The following POMT2 variants were observed in gnomAD, a reference collection of about 807,000 sequenced individuals.
The protein encoded by POMT2 is protein O-mannosyl-transferase 2.
In POMT2, 75 loss-of-function variants were observed where a neutral mutation model predicts 100.0. The observed-to-expected ratio is 0.75, with a 90% CI of 0.62 to 0.91. The LOEUF (loss-of-function observed/expected upper bound fraction) is 0.91. Among genes scored for constraint, POMT2 ranks in the 40% least tolerant of loss-of-function variants. The pLI is 0.00. For synonymous variants in POMT2, 378 were observed against 374.1 expected (o/e 1.01, Z -0.12); for missense variants, 940 against 955.1 (o/e 0.98, Z 0.21).
rs1354412944 is a variant in POMT2 at position 77,285,043 on chromosome 14, TG to T, written c.1485-3del. The T allele has an allele frequency of 6.2e-7, 1 of 1,606,500 alleles. No individual in the cohort carries two copies. The highest frequency in any genetic ancestry group is 1.1e-5 in the South Asian group (1 of 90,878). On this transcript the variant is annotated splice_polypyrimidine_tract_variant and splice_region_variant and intron_variant, in intron 13 of 20. Transcript: ENST00000261534. ...GTAACTTCCAACTGCTCCCAGCCCC[TG>T]TGAAAAGCAGAAGTCACAGATGTCT...
intron 5 of POMT2, among the ~76,000 whole-genome samples, chr14:77,302,370 G>A (rs1469203347): frequency 6.6e-6 from 1 of 152,144 alleles, no homozygotes; most frequent in Non-Finnish European, 1.5e-5. Flanking sequence ...AGGACTGGAT[G>A]CAACCACTGA....
At chr14:77,299,405 G>T in intron 7 of POMT2, 50 bp downstream of exon 7, 1 of 1,532,454 alleles carries the variant, frequency 6.5e-7, no homozygotes, top group Non-Finnish European at 9.0e-7. Context: ...CACAGGCTTA[G>T]GAGCAAAAGG....
chr14:77,283,260 A>G (rs1890294112), intron 15 of POMT2, among the ~76,000 whole-genome samples: 2 of 152,254 alleles, frequency 1.3e-5, no homozygotes, highest in African/African-American at 4.8e-5. Flanking sequence ...TCCTGATTTC[A>G]TATGATGGAA....
chr14:77,302,909 G>A lies in POMT2; in HGVS notation c.582C>T (p.Leu194=). 1 of 1,613,906 alleles carries A rather than the reference G, an allele frequency of 6.2e-7. No individual in the cohort carries two copies. The highest frequency in any genetic ancestry group is 8.5e-7 in the Non-Finnish European group (1 of 1,179,806). ...TGCLTLSQYI[L]LDPILMFFIM... ...TGAAGAACATCAGGATGGGGTCAAG[G>A]AGGATGTACTGGGACAGAGTGAGGC... is the stretch of plus-strand genomic sequence containing the variant. Residue 194 remains leucine (L), a synonymous_variant, in exon 5 of 21, where the codon CTC becomes CTT. Transcript: ENST00000261534.
At chr14:77,282,849 T>A (rs1890281436) in intron 15 of POMT2, among the ~76,000 whole-genome samples, 1 of 152,198 alleles carries the variant, frequency 6.6e-6, no homozygotes, top group Non-Finnish European at 1.5e-5. Flanking sequence ...AAATAACAAG[T>A]GCTACACCTC....
In POMT2 at chr14:77,277,002, T is replaced by A. The variant is rs548546887; in HGVS notation, c.*374A>T. The A allele has an allele frequency of 2.9e-5, 7 of 242,664 alleles. No homozygotes were observed. In the East Asian group the frequency reaches 6.0e-4, roughly 21 times the overall value. The allele number at this position is 242,664 out of a possible 1,614,324, so 15.0% of individuals were successfully genotyped here. On this transcript the variant is annotated 3_prime_UTR_variant, in exon 21 of 21. Transcript: ENST00000261534. ...AAAATATTACTATAGCCTGGACTAT[T>A]TTAGAGTTTATGACACTCAGCTGTC...
chr14:77,281,435 T>C (rs967660439), intron 15 of POMT2, among the ~76,000 whole-genome samples: 1 of 152,210 alleles, frequency 6.6e-6, no homozygotes, highest in African/African-American at 2.4e-5. Flanking sequence ...CCCTAATGCA[T>C]GCTTTGGTTT....
intron 9 of POMT2, among the ~76,000 whole-genome samples, chr14:77,294,531 C>T (rs948716625): frequency 2.6e-5 from 4 of 152,182 alleles, no homozygotes; most frequent in Non-Finnish European, 4.4e-5. Flanking sequence ...ACCATGTTGG[C>T]CAGGCTGGTC....
At chr14:77,293,254 T>C (rs4899649) in intron 9 of POMT2, among the ~76,000 whole-genome samples, 126,169 of 152,152 alleles carry the variant, frequency 0.83, 52,501 homozygotes, top group East Asian at 0.95. Flanking sequence ...GTGTGTACTC[T>C]GTGTAGATGT....
In POMT2 at chr14:77,286,953, A is replaced by G. The variant is rs928268213; in HGVS notation, c.1254-131T>C. 11 of 1,521,204 alleles carry G rather than the reference A, an allele frequency of 7.2e-6. No homozygotes were observed. In the South Asian group the frequency reaches 8.4e-5, roughly 12 times the overall value. 94.2% of individuals were successfully genotyped at this position (1,521,204 alleles called of 1,614,324 possible). A position where few individuals can be genotyped will look rare whatever the true frequency, so the allele number is the denominator to read the frequency against. On this transcript the variant is annotated intron_variant, in intron 11 of 20. Coordinates refer to ENST00000261534, the MANE Select transcript of POMT2 (RefSeq NM_013382.7). ...TAGAATCTGAACTATTAAATCCAAC[A>G]TATCAGGAACTGGTTTCCTATTTAC...
intron 2 of POMT2, among the ~76,000 whole-genome samples, chr14:77,309,616 A>T (rs1255658238): frequency 6.6e-6 from 1 of 152,134 alleles, no homozygotes; most frequent in Non-Finnish European, 1.5e-5. Context: ...GAAGCCTCAC[A>T]CTTCTCCCTT....
At chr14:77,319,269 G>A (rs939140590) in intron 1 of POMT2, among the ~76,000 whole-genome samples, 3 of 152,166 alleles carry the variant, frequency 2.0e-5, no homozygotes, top group African/African-American at 7.2e-5. Flanking sequence ...GGTAAATACT[G>A]TAAGCTGGCC....
rs1263289995 is a variant in POMT2, at chr14:77,304,682, G to C, written c.547+10C>G. On this transcript the variant is annotated intron_variant, in intron 4 of 20. Coordinates refer to ENST00000261534, the MANE Select transcript of POMT2 (RefSeq NM_013382.7). Reference sequence around the variant, plus strand: ...TTCCCAAAAGCCATGGTATGGCTAAGACAACTTACCAAAGGTGAGGAGGGC... The same window carrying C: ...TTCCCAAAAGCCATGGTATGGCTAACACAACTTACCAAAGGTGAGGAGGGC... 6.4e-7 allele frequency: 1 copy of C among 1,574,376 alleles called. No homozygotes were observed.
chr14:77,285,241 G>C (rs907039718), intron 13 of POMT2, 200 bp from the exon 14 acceptor site: 11 of 709,844 alleles, frequency 1.5e-5, no homozygotes, highest in Admixed American at 5.3e-5. Flanking sequence ...CATAGACCCA[G>C]AGAGTTATTA....
intron 4 of POMT2, 123 bp downstream of exon 4, chr14:77,304,569 C>T (rs1891159125): frequency 1.4e-6 from 2 of 1,474,468 alleles, no homozygotes; most frequent in Middle Eastern, 2.4e-4. Flanking sequence ...GTACATTTTA[C>T]CCAATCCTAA....
At chr14:77,303,170 C>A (rs1156231540) in intron 4 of POMT2, among the ~76,000 whole-genome samples, 2 of 152,120 alleles carry the variant, frequency 1.3e-5, no homozygotes, top group Non-Finnish European at 2.9e-5. Context: ...TGCCTCTAGG[C>A]CCTCAACCCA....
chr14:77,279,510 G>A (rs748006808), intron 18 of POMT2: 4 of 527,562 alleles, frequency 7.6e-6, no homozygotes, highest in Non-Finnish European at 1.1e-5. Flanking sequence ...AGATTGCACG[G>A]GTTTGAGCCT....
In POMT2 at chr14:77,314,821, A is replaced by G. The variant is rs369214604; in HGVS notation, c.249-2788T>C. On this transcript the variant is annotated intron_variant, in intron 1 of 20. Coordinates refer to ENST00000261534, the MANE Select transcript of POMT2 (RefSeq NM_013382.7). ...GTGCGGCAATAGGACCCTGCTATATAAGATAGAACTTTGAGTAAAATGAAA... is the reference window on the plus strand; with the variant it reads ...GTGCGGCAATAGGACCCTGCTATATGAGATAGAACTTTGAGTAAAATGAAA... 2.0e-5 allele frequency among the ~76,000 whole-genome samples: 3 copies of G among 152,228 alleles called. No homozygotes were observed. In the South Asian group the frequency reaches 6.2e-4, roughly 32 times the overall value.
At position 77,279,915 on chromosome 14, in the gene POMT2, A is replaced by G. The variant is rs781102865; in HGVS notation, c.1799T>C (p.Leu600Pro). The G allele has an allele frequency of 5.6e-6, 9 of 1,613,990 alleles. No individual in the cohort carries two copies. Among genetic ancestry groups the G allele is most frequent in the Non-Finnish European group, 8.5e-7 (1 of 1,180,006 alleles). Residue 600 changes from leucine to proline, a missense_variant, in exon 18 of 21, where the codon CTG becomes CCG. Physicochemically the swap from Leu to Pro is moderately conservative, Grantham distance 98. Coordinates refer to ENST00000261534, the MANE Select transcript of POMT2 (RefSeq NM_013382.7). Reference protein sequence around the residue: ...YLLGNPVVWWLNLLSIALYLL... With the variant: ...YLLGNPVVWWPNLLSIALYLL... ...GTAGAGGGCGATGCTCAACAGATTC[A>G]GCCACCAAACCACCTGTGCAGAAAT...
Sources: gnomAD v4.1 joint callset for allele counts (sites outside exome capture counted in the v4.1 genomes callset) on GRCh38, gnomAD v4.1.1 for gene constraint, MANE v1.5 for transcripts, NCBI Gene and HGNC (gene_info 2026-07-23, HGNC 2026-07-21) for gene names.